Variants in ZNF676 observed in about 807,000 individuals in gnomAD.
The protein encoded by ZNF676 is zinc finger protein 676.
Under a neutral mutation model 6.0 loss-of-function variants are expected in ZNF676, and 4 were observed. The observed-to-expected ratio is 0.67, with a 90% CI of 0.33 to 1.53. The LOEUF (loss-of-function observed/expected upper bound fraction) is 1.53, where lower values mean the gene tolerates loss of function less well. Ranked by LOEUF, ZNF676 falls within the 40% of genes most tolerant of loss-of-function variation. The pLI is 0.06. For synonymous variants in ZNF676, 198 were observed against 223.1 expected (o/e 0.89, Z 1.00); for missense variants, 644 against 679.7 (o/e 0.95, Z 0.58).
Position 22,181,203 on chromosome 19 carries a change from C to T in ZNF676, c.514G>A (p.Glu172Lys). 6.2e-7 allele frequency: 1 copy of T among 1,613,912 alleles called. No individual in the cohort carries two copies. The highest frequency in any genetic ancestry group is 8.5e-7 in the Non-Finnish European group (1 of 1,179,910). Reference protein sequence around the residue: ...IYTRENSYKCEENGKAFNWSS... With the variant: ...IYTRENSYKCKENGKAFNWSS... ...CAGTTAAAAGCTTTGCCATTTTCTT[C>T]ACATTTGTAGGAATTCTCTCTAGTA... The change falls in exon 3 of 3, where the codon GAA becomes AAA. Residue 172 changes from glutamate to lysine, a missense_variant. By Grantham distance (56) the Glu-to-Lys change is moderately conservative (BLOSUM62 1). Around this residue, in one of 5 missense-constraint regions of ZNF676, gnomAD observed 280 missense variants for 269.3 expected, o/e 1.04. Coordinates refer to ENST00000397121, the MANE Select transcript of ZNF676 (RefSeq NM_001001411.3).
At chr19:22,231,494 T>G in the ZNF676 span, among the ~76,000 whole-genome samples, 1 of 150,416 alleles carries the variant, frequency 6.6e-6, no homozygotes, top group Non-Finnish European at 1.5e-5. Context: ...TCATCAGAGA[T>G]CTAATGATAA....
At chr19:22,253,197 A>G in the ZNF676 span, among the ~76,000 whole-genome samples, 1 of 151,968 alleles carries the variant, frequency 6.6e-6, no homozygotes, top group South Asian at 2.1e-4. Flanking sequence ...TTTGGATGTG[A>G]GATTCAGAAC....
At chr19:22,199,546 A>T (rs2024003506), upstream of ZNF676, among the ~76,000 whole-genome samples, 3 of 152,218 alleles carry the variant, frequency 2.0e-5, no homozygotes, top group Non-Finnish European at 4.4e-5. Context: ...CTTTCAGTTG[A>T]TACTAAGTGT....
intron 2 of ZNF676, among the ~76,000 whole-genome samples, chr19:22,190,931 A>G (rs1308226906): frequency 1.3e-5 from 2 of 152,012 alleles, no homozygotes; most frequent in African/African-American, 4.8e-5. Flanking sequence ...ATATAAAGCA[A>G]TTACACTCTT....
chr19:22,253,689 G>C, the ZNF676 span, among the ~76,000 whole-genome samples: 1 of 151,912 alleles, frequency 6.6e-6, no homozygotes, highest in Admixed American at 6.6e-5. Context: ...GTCAACTGTA[G>C]CTGGATGTTC....
At chr19:22,188,581 G>T (rs1225527118) in intron 2 of ZNF676, among the ~76,000 whole-genome samples, 1 of 152,172 alleles carries the variant, frequency 6.6e-6, no homozygotes, top group Non-Finnish European at 1.5e-5. Context: ...GTCTCTATTT[G>T]CAGATGACAT....
upstream of ZNF676, among the ~76,000 whole-genome samples, chr19:22,218,500 A>AAGT (rs780541129): frequency 7.3e-6 from 1 of 136,152 alleles, no homozygotes; most frequent in Non-Finnish European, 1.6e-5. Flanking sequence ...ACCCAGCTAA[A>AAGT]TTTTTTTTTT....
At chr19:22,205,237 G>A (rs1236039213) in intron 1 of ZNF676, among the ~76,000 whole-genome samples, 2 of 152,076 alleles carry the variant, frequency 1.3e-5, no homozygotes, top group African/African-American at 4.8e-5. Context: ...AGGCACTAAT[G>A]GAGAGATCAT....
chr19:22,195,700 G>T (rs1443836090), intron 1 of ZNF676, among the ~76,000 whole-genome samples: 1 of 152,120 alleles, frequency 6.6e-6, no homozygotes, highest in Non-Finnish European at 1.5e-5. Context: ...ACTTACAATT[G>T]AAAGAGCAAT....
At chr19:22,253,404 G>GTGTGTGTATATATATATA in the ZNF676 span, among the ~76,000 whole-genome samples, 5 of 97,042 alleles carry the variant, frequency 5.2e-5, no homozygotes, top group East Asian at 3.1e-4. Flanking sequence ...ATGATAATGT[G>GTGTGTGTATATATATATA]TATATATATA....
chr19:22,214,297 T>C (rs281184), intron 1 of ZNF676, among the ~76,000 whole-genome samples: 68,742 of 152,004 alleles, frequency 0.45, 16,836 homozygotes, highest in African/African-American at 0.65. Flanking sequence ...TGAGGAGGCT[T>C]TATTTCCTAA....
chr19:22,196,863 G>A lies in ZNF676; in HGVS notation c.-230C>T, dbSNP rs2023972684. On this transcript the variant is annotated 5_prime_UTR_variant, in exon 1 of 3. Coordinates refer to ENST00000397121, the MANE Select transcript of ZNF676 (RefSeq NM_001001411.3). ...ATGACTGAAATTATTCAATAAAATA[G>A]TTTTCAACACAGAAATGTTCACTAA... The A allele has an allele frequency of 2.4e-6, 2 of 837,182 alleles. No individual in the cohort carries two copies. Among genetic ancestry groups the A allele is most frequent in the South Asian group, 1.8e-5 (1 of 55,968 alleles). The allele number at this position is 837,182 out of a possible 1,614,324, so 51.9% of individuals were successfully genotyped here. A position where few individuals can be genotyped will look rare whatever the true frequency, so the allele number is the denominator to read the frequency against.
At chr19:22,239,002 T>C in the ZNF676 span, among the ~76,000 whole-genome samples, 1 of 152,148 alleles carries the variant, frequency 6.6e-6, no homozygotes, top group Admixed American at 6.5e-5. Context: ...CCAGGATTAA[T>C]ACTTTGTATC....
chr19:22,208,214 T>C (rs1366079748), intron 1 of ZNF676, among the ~76,000 whole-genome samples: 1 of 150,106 alleles, frequency 6.7e-6, no homozygotes, highest in African/African-American at 2.5e-5. Flanking sequence ...AAAGGTTTAC[T>C]ATCCAGAATC....
the ZNF676 span, chr19:22,243,345 A>C: frequency 5.3e-5 from 8 of 151,912 alleles, no homozygotes; most frequent in African/African-American, 1.9e-4. Flanking sequence ...ATCCCCTGAA[A>C]ACCAAACCTT....
intron 2 of ZNF676, among the ~76,000 whole-genome samples, chr19:22,191,072 T>A (rs2144753986): frequency 6.6e-6 from 1 of 152,282 alleles, no homozygotes; most frequent in East Asian, 1.9e-4. Context: ...TAATGACAGC[T>A]ACATGGTATA....
rs561856135 is a variant in ZNF676, at chr19:22,206,128, A to C, written c.4-9402T>G. Reference sequence around the variant, plus strand: ...CTAAATAGATAGATAAGCTCAAAAAACTGAATTAGTAATAAGTAGCCTACC... The same window carrying C: ...CTAAATAGATAGATAAGCTCAAAAACCTGAATTAGTAATAAGTAGCCTACC... On this transcript the variant is annotated intron_variant, in intron 1 of 3. Transcript: ENST00000650058. Among the ~76,000 whole-genome samples the C allele has an allele frequency of 4.6e-5, 7 of 152,000 alleles. No homozygotes were observed. In the East Asian group the frequency reaches 1.2e-3, roughly 25 times the overall value.
At chr19:22,230,692 C>A in the ZNF676 span, among the ~76,000 whole-genome samples, 1 of 150,994 alleles carries the variant, frequency 6.6e-6, no homozygotes, top group African/African-American at 2.4e-5. Flanking sequence ...GAGTTTTACT[C>A]TTGTTTCCCA....
At chr19:22,221,052 A>C in the ZNF676 span, among the ~76,000 whole-genome samples, 1 of 151,896 alleles carries the variant, frequency 6.6e-6, no homozygotes, top group Admixed American at 6.6e-5. Flanking sequence ...TATATTTTTT[A>C]AAATTTCAAA....
Sources: gnomAD v4.1 joint callset for allele counts (sites outside exome capture counted in the v4.1 genomes callset) on GRCh38, gnomAD v4.1.1 for gene constraint, gnomAD v4.1.1 regional missense constraint, MANE v1.5 for transcripts, NCBI Gene and HGNC (gene_info 2026-07-23, HGNC 2026-07-21) for gene names.